The following KMT2D variants were observed in gnomAD, a reference collection of about 807,000 sequenced individuals.
KMT2D encodes histone-lysine N-methyltransferase 2D.
A neutral mutation model predicts 512.7 loss-of-function variants in KMT2D; 55 were observed. That is an observed-to-expected ratio of 0.11 (90% CI 0.09 to 0.13). The LOEUF is 0.13. Among genes scored for constraint, KMT2D ranks in the 10% least tolerant of loss-of-function variants. KMT2D has a pLI of 1.00. For synonymous variants in KMT2D, 2,995 were observed against 2,904.0 expected (o/e 1.03, Z -1.01); for missense variants, 6,061 against 7,127.9 (o/e 0.85, Z 5.39).
Position 49,049,906 on chromosome 12 carries a change from C to T in KMT2D, c.3682G>A (p.Gly1228Ser), listed in dbSNP as rs1267399863. ...ASFPGSEPLL[G>S]SPDPEGGGSL... ...CCACCCCCCTCCGGGTCTGGAGAGC[C>T]CAGGAGGGGCTCTGAGCCAGGAAAA... The change falls in exon 12 of 55, where the codon GGC (glycine) becomes AGC (serine). Residue 1228 changes from glycine to serine, a missense_variant. Physicochemically the swap from Gly to Ser is moderately conservative, Grantham distance 56. Around this residue, in one of 16 missense-constraint regions of KMT2D, gnomAD observed 447 missense variants for 500.1 expected, o/e 0.89. Coordinates refer to ENST00000301067, the MANE Select transcript of KMT2D (RefSeq NM_003482.4). 1 of 1,613,812 alleles carries T rather than the reference C, an allele frequency of 6.2e-7. No individual in the cohort carries two copies. Among genetic ancestry groups the T allele is most frequent in the Non-Finnish European group, 8.5e-7 (1 of 1,179,890 alleles).
rs763527434 is a variant in KMT2D at position 49,024,055 on chromosome 12, C to A, written c.16052+523G>T. 6.4e-5 allele frequency: 29 copies of A among 455,542 alleles called. No homozygotes were observed. The highest frequency in any genetic ancestry group is 1.2e-4 in the Non-Finnish European group (28 of 226,852). The allele number at this position is 455,542 out of a possible 1,614,324, so 28.2% of individuals were successfully genotyped here. A position where few individuals can be genotyped will look rare whatever the true frequency, so the allele number is the denominator to read the frequency against. ...GTCATACCACCTGCCCTACCTACCTCATAAGGTTGTTGTGAGGATCAAATG... is the reference window on the plus strand; with the variant it reads ...GTCATACCACCTGCCCTACCTACCTAATAAGGTTGTTGTGAGGATCAAATG... On this transcript the variant is annotated intron_variant, in intron 51 of 54. Transcript: ENST00000301067. This position sits in a 1 kb window ranked among gnomAD's most constrained non-coding sequence, Gnocchi z 4.5.
chr12:49,029,234 A>G lies in KMT2D; in HGVS notation c.14078T>C (p.Met4693Thr), dbSNP rs2120394709. The G allele has an allele frequency of 6.2e-7, 1 of 1,610,216 alleles. No homozygotes were observed. Among genetic ancestry groups the G allele is most frequent in the Non-Finnish European group, 8.5e-7 (1 of 1,176,728 alleles). The change falls in exon 45 of 55, where the codon ATG (methionine) becomes ACG (threonine). Residue 4693 changes from methionine to threonine, a missense_variant and splice_region_variant. Transcript: ENST00000301067. ...AGAATCGCTATCCTCATCACTCTCCATCCTGGGGACCAAAAGTAGACATTT... is the reference window on the plus strand; with the variant it reads ...AGAATCGCTATCCTCATCACTCTCCGTCCTGGGGACCAAAAGTAGACATTT... ...PPHNQTEDVR[M>T]ESDEDSDSPD...
chr12:49,029,660 T>C (rs1942795364), intron 43 of KMT2D, among the ~76,000 whole-genome samples, 184 bp from the exon 44 acceptor site: 1 of 142,850 alleles, frequency 7.0e-6, no homozygotes, highest in African/African-American at 2.7e-5. Context: ...CAGGCACTGT[T>C]GTTTTTTGTT....
chr12:49,039,234 T>C lies in KMT2D; in HGVS notation c.8354A>G (p.Asp2785Gly). Residue 2785 changes from aspartate to glycine, a missense_variant, in exon 34 of 55, where the codon GAT (aspartate) becomes GGT (glycine). By Grantham distance (94) the Asp-to-Gly change is moderately conservative. Coordinates refer to ENST00000301067, the MANE Select transcript of KMT2D (RefSeq NM_003482.4). This position sits in a 1 kb window ranked among gnomAD's most constrained non-coding sequence, Gnocchi z 5.0. Reference sequence around the variant, plus strand: ...CCTGGAGCCTCACCGGCTGTTCACATCCATAGAGGAAGGCGTGGCTGGTGG... The same window carrying C: ...CCTGGAGCCTCACCGGCTGTTCACACCCATAGAGGAAGGCGTGGCTGGTGG... ...PPPPATPSSM[D>G]VNSRQLVGGS... The C allele has an allele frequency of 6.2e-7, 1 of 1,613,754 alleles. No individual in the cohort carries two copies. The highest frequency in any genetic ancestry group is 8.5e-7 in the Non-Finnish European group (1 of 1,179,870).
At position 49,021,209 on chromosome 12, in the gene KMT2D, G is replaced by A. The variant is rs1269361783; in HGVS notation, c.*571C>T. The A allele has an allele frequency of 5.0e-6, 1 of 201,330 alleles. No homozygotes were observed. Among genetic ancestry groups the A allele is most frequent in the African/African-American group, 2.3e-5 (1 of 43,492 alleles). 12.5% of individuals were successfully genotyped at this position (201,330 alleles called of 1,614,324 possible). A position where few individuals can be genotyped will look rare whatever the true frequency, so the allele number is the denominator to read the frequency against. On this transcript the variant is annotated 3_prime_UTR_variant, in exon 55 of 55. Coordinates refer to ENST00000301067, the MANE Select transcript of KMT2D (RefSeq NM_003482.4). ...TTGCATTTGTCAGAGTGGAAAACAA[G>A]GAAACACAACCCATAGAGAGACAGA...
At chr12:49,029,295 AGAGATGAATAGAT>A in intron 44 of KMT2D, 59 bp from the exon 45 acceptor site, 1 of 1,593,944 alleles carries the variant, frequency 6.3e-7, no homozygotes, top group South Asian at 1.1e-5. Flanking sequence ...TCCCAAATCT[AGAGATGAATAGAT>A]GTCTTACTTG....
chr12:49,036,107 T>A (rs1429954972), intron 35 of KMT2D: 1 of 152,238 alleles, frequency 6.6e-6, no homozygotes, highest in Non-Finnish European at 1.5e-5. Context: ...AGTAAACTCC[T>A]TGGCAAATAG....
Position 49,029,678 on chromosome 12 carries a change from T to G in KMT2D, c.14000-202A>C, listed in dbSNP as rs898089770. 1.6e-3 allele frequency among the ~76,000 whole-genome samples: 26 copies of G among 16,394 alleles called. No homozygotes were observed. In the South Asian group the frequency reaches 0.017, roughly 11 times the overall value. 10.8% of individuals were successfully genotyped at this position (16,394 alleles called of 152,430 possible). A position where few individuals can be genotyped will look rare whatever the true frequency, so the allele number is the denominator to read the frequency against. On this transcript the variant is annotated intron_variant, in intron 43 of 54. Coordinates refer to ENST00000301067, the MANE Select transcript of KMT2D (RefSeq NM_003482.4). The stretch of plus-strand genomic sequence containing the variant: ...GCACTGTTGTTTTTTGTTTTTTTTG[T>G]TTTTTTTTTTTTTTTCCCGTAGAGA...
rs1210845628 is a variant in KMT2D at position 49,040,206 on chromosome 12, G to A, written c.7564C>T (p.Pro2522Ser). The change falls in exon 32 of 55, where the codon CCT becomes TCT. Residue 2522 changes from proline to serine, a missense_variant. By Grantham distance (74) the Pro-to-Ser change is moderately conservative. This residue lies in a region of KMT2D where 710 missense variants were observed against 647.3 expected (regional missense o/e 1.10). Transcript: ENST00000301067. ...GTGCCCACAAATGCACCCGTCCCAGGGGACCGGACAAAATTGGGGGGCTGC... is the reference window on the plus strand; with the variant it reads ...GTGCCCACAAATGCACCCGTCCCAGAGGACCGGACAAAATTGGGGGGCTGC... ...SGQPPNFVRS[P>S]GTGAFVGTPS... 10 of 1,613,418 alleles carry A rather than the reference G, an allele frequency of 6.2e-6. No individual in the cohort carries two copies. The highest frequency in any genetic ancestry group is 2.7e-5 in the African/African-American group (2 of 75,022).
rs1246823650 is a variant in KMT2D, at chr12:49,019,274, G to C, written c.*2506C>G. ...GCGATTTATTTTTTAAAAAGGGGGA[G>C]GGTCCTGGAGGTGAGGGGAGAAGAC... On this transcript the variant is annotated 3_prime_UTR_variant, in exon 55 of 55. Transcript: ENST00000301067. 1.3e-5 allele frequency: 8 copies of C among 626,090 alleles called. No individual in the cohort carries two copies. The highest frequency in any genetic ancestry group is 1.7e-5 in the Non-Finnish European group (8 of 481,302). The allele number at this position is 626,090 out of a possible 1,614,324, so 38.8% of individuals were successfully genotyped here.
intron 46 of KMT2D, among the ~76,000 whole-genome samples, chr12:49,028,378 C>T (rs2120381769): frequency 1.3e-5 from 2 of 152,344 alleles, no homozygotes; most frequent in Middle Eastern, 3.4e-3. Context: ...GGAAATGATG[C>T]ATGCTCTATC....
In KMT2D at chr12:49,040,897, C is replaced by G. The variant is rs778096761; in HGVS notation, c.6873G>C (p.Glu2291Asp). ...CATAGCTAGGAGAGGATGCCCCAAG[C>G]TCTTCCTTCTTCACCTCTAGGGCCT... Reference protein sequence around the residue: ...SRKALEVKKEELGASSPSYGP... With the variant: ...SRKALEVKKEDLGASSPSYGP... Residue 2291 changes from glutamate to aspartate, a missense_variant, in exon 32 of 55, where the codon GAG (glutamate) becomes GAC (aspartate). This residue lies in a region of KMT2D where 710 missense variants were observed against 647.3 expected (regional missense o/e 1.10). Coordinates refer to ENST00000301067, the MANE Select transcript of KMT2D (RefSeq NM_003482.4). 2 of 1,613,892 alleles carry G rather than the reference C, an allele frequency of 1.2e-6. No homozygotes were observed. Among genetic ancestry groups the G allele is most frequent in the South Asian group, 1.1e-5 (1 of 91,086 alleles).
At position 49,029,074 on chromosome 12, in the gene KMT2D, C is replaced by T. The variant is rs75340924; in HGVS notation, c.14238G>A (p.Arg4746=). ...AGTAGCACATACCTGGGATGCTGGC[C>T]CGAGGAATGAGGGGGATGACAGGGG... ...ALSPVIPLIP[R]ASIPVFPDTK... The change falls in exon 45 of 55, where the codon CGG becomes CGA. Residue 4746 remains arginine, a synonymous_variant. Coordinates refer to ENST00000301067, the MANE Select transcript of KMT2D (RefSeq NM_003482.4). The T allele has an allele frequency of 7.2e-3, 11,521 of 1,603,016 alleles. 685 individuals carry two copies. The African/African-American group carries it at 0.13, about 18-fold the overall frequency.
rs570651008 is a variant in KMT2D at position 49,055,529 on chromosome 12, T to C, written c.-37-168A>G. Among the ~76,000 whole-genome samples the C allele has an allele frequency of 6.6e-5, 10 of 152,316 alleles. No homozygotes were observed. The East Asian group carries it at 1.5e-3, about 24-fold the overall frequency. On this transcript the variant is annotated intron_variant, in intron 1 of 54. Coordinates refer to ENST00000301067, the MANE Select transcript of KMT2D (RefSeq NM_003482.4). Reference sequence around the variant, plus strand: ...CATTCTCCCTAACCTGTAGGGTCACTTCCTCCCCAGATAAACACATACGCT... The same window carrying C: ...CATTCTCCCTAACCTGTAGGGTCACCTCCTCCCCAGATAAACACATACGCT...
rs748450844 is a variant in KMT2D at position 49,052,016 on chromosome 12, G to A, written c.1667C>T (p.Pro556Leu). ...GGAAGTGGGCAATTCCTCAGGTGGC[G>A]GGGACAAAGGAGATTCTTCAAATGG... ...SPPFEESPLS[P>L]PPEELPTSPP... Residue 556 changes from proline to leucine, a missense_variant, in exon 11 of 55, where the codon CCG becomes CTG. By Grantham distance (98) the Pro-to-Leu change is moderately conservative. Coordinates refer to ENST00000301067, the MANE Select transcript of KMT2D (RefSeq NM_003482.4). 3 of 1,613,450 alleles carry A rather than the reference G, an allele frequency of 1.9e-6. No homozygotes were observed. The highest frequency in any genetic ancestry group is 2.5e-6 in the Non-Finnish European group (3 of 1,179,688).
rs773358205 is a variant in KMT2D at position 49,052,665 on chromosome 12, T to C, written c.1157A>G (p.Asp386Gly). 5.6e-6 allele frequency: 9 copies of C among 1,613,708 alleles called. No homozygotes were observed. Among genetic ancestry groups the C allele is most frequent in the Middle Eastern group, 1.7e-4 (1 of 6,058 alleles). Residue 386 changes from aspartate to glycine, a missense_variant, in exon 10 of 55, where the codon GAT (aspartate) becomes GGT (glycine). Physicochemically the swap from Asp to Gly is moderately conservative, Grantham distance 94 (BLOSUM62 -1). This residue lies in a region of KMT2D where 848 missense variants were observed against 838.5 expected (regional missense o/e 1.01). Coordinates refer to ENST00000301067, the MANE Select transcript of KMT2D (RefSeq NM_003482.4). ...CCCTTGGCATGCAACGTACAGAGCATCGGGCTCGTCAGTGGGGGTATCGCC... is the reference window on the plus strand; with the variant it reads ...CCCTTGGCATGCAACGTACAGAGCACCGGGCTCGTCAGTGGGGGTATCGCC... ...EPGDTPTDEPDALYVACQGQP... is the reference protein window; with the variant it reads ...EPGDTPTDEPGALYVACQGQP...
In KMT2D at chr12:49,053,543, T is replaced by G. The variant is rs1565823019; in HGVS notation, c.772A>C (p.Thr258Pro). The G allele has an allele frequency of 1.2e-6, 2 of 1,602,726 alleles. No individual in the cohort carries two copies. The highest frequency in any genetic ancestry group is 2.7e-5 in the African/African-American group (2 of 74,638). Reference sequence around the variant, plus strand: ...GCACGTTTGCGGGCAGTCAGAGCAGTGTCCAGGCAGGCCCCGTGATAGTGA... The same window carrying G: ...GCACGTTTGCGGGCAGTCAGAGCAGGGTCCAGGCAGGCCCCGTGATAGTGA... ...GHHYHGACLD[T>P]ALTARKRAGW... Residue 258 changes from threonine to proline, a missense_variant, in exon 7 of 55, where the codon ACT becomes CCT. Around this residue, in one of 16 missense-constraint regions of KMT2D, gnomAD observed 160 missense variants for 225.8 expected, o/e 0.71. Transcript: ENST00000301067.
At chr12:49,055,485 C>T in intron 1 of KMT2D, 124 bp from the exon 2 acceptor site, 1 of 609,378 alleles carries the variant, frequency 1.6e-6, no homozygotes, top group Non-Finnish European at 2.9e-6. Context: ...ACTACAAACT[C>T]CTATACTGAC....
rs1257879062 is a variant in KMT2D, at chr12:49,037,836, A to G, written c.9520T>C (p.Ser3174Pro). The G allele has an allele frequency of 3.1e-6, 5 of 1,597,318 alleles. No homozygotes were observed. The highest frequency in any genetic ancestry group is 4.3e-6 in the Non-Finnish European group (5 of 1,171,806). Residue 3174 changes from serine to proline, a missense_variant, in exon 35 of 55, where the codon TCT (serine) becomes CCT (proline). This residue lies in a region of KMT2D where 533 missense variants were observed against 539.6 expected (regional missense o/e 0.99). Coordinates refer to ENST00000301067, the MANE Select transcript of KMT2D (RefSeq NM_003482.4). The stretch of plus-strand genomic sequence containing the variant: ...TTCTCAGCTGTGTGCCCACTGCTAG[A>G]AAATGGCCCTGTGCCCATCCGGGTA... ...RDTRMGTGPF[S>P]SSGHTAEKAS... is the part of the protein sequence containing the mutation.
Sources: gnomAD v4.1 joint callset for allele counts (sites outside exome capture counted in the v4.1 genomes callset) on GRCh38, gnomAD v4.1.1 for gene constraint, gnomAD v4.1.1 regional missense constraint, Gnocchi (gnomAD v3.1) non-coding constraint, MANE v1.5 for transcripts, NCBI Gene and HGNC (gene_info 2026-07-23, HGNC 2026-07-21) for gene names.